Variants in FBLN1 observed in about 807,000 individuals in gnomAD.
FBLN1 encodes fibulin 1.
Under a neutral mutation model 89.7 loss-of-function variants are expected in FBLN1, and 34 were observed. The observed-to-expected ratio is 0.38, with a 90% confidence interval of 0.29 to 0.50. The LOEUF (loss-of-function observed/expected upper bound fraction) is 0.50. Ranked by LOEUF, FBLN1 falls within the 20% of genes least tolerant of loss-of-function variation. The pLI is 0.92. For synonymous variants in FBLN1, 393 were observed against 391.3 expected, an observed-to-expected ratio of 1.00 and a Z score of -0.05; for missense variants, 777 against 988.1, an observed-to-expected ratio of 0.79 and a Z score of 2.86.
Position 45,573,475 on chromosome 22 carries a change from A to T in FBLN1, c.1698-1036A>T, listed in dbSNP as rs181725140. Among the ~76,000 whole-genome samples the T allele has an allele frequency of 5.8e-3, 878 of 151,866 alleles. 12 individuals carry two copies. The highest frequency in any genetic ancestry group is 0.02 in the African/African-American group (819 of 41,406). On this transcript the variant is annotated intron_variant, in intron 14 of 16. Transcript: ENST00000327858. The stretch of plus-strand genomic sequence containing the variant: ...CGGATCACAAGGTCAGAAGTTCAAG[A>T]CCAGCCTGACCAACATGGTAAAACC...
At chr22:45,587,695 C>T (rs549872948) in intron 16 of FBLN1, among the ~76,000 whole-genome samples, 1 of 152,326 alleles carries the variant, frequency 6.6e-6, no homozygotes, top group South Asian at 2.1e-4. Context: ...TTCCTCTTCC[C>T]TCCGCTCTGC....
rs2088802944 is a variant in FBLN1 at position 45,557,427 on chromosome 22, G to A, written c.1697+6812G>A. Among the ~76,000 whole-genome samples the A allele has an allele frequency of 6.6e-6, 1 of 152,162 alleles. No individual in the cohort carries two copies. Among genetic ancestry groups the A allele is most frequent in the African/African-American group, 2.4e-5 (1 of 41,428 alleles). On this transcript the variant is annotated intron_variant, in intron 14 of 16. Transcript: ENST00000327858. The surrounding 1 kb of genome is among the most constrained non-coding windows in gnomAD (Gnocchi z 4.9). ...ACCCCGAGGCATGGTGCCACATCGA[G>A]GGCTCAGTGTTGGTCTCTGCTACTG...
rs2089129126 is a variant in FBLN1, at chr22:45,590,717, TCAGTGATGGTTTAA to T, written c.1973-9588_1973-9575del. ...CCTTTAGGAATAGAATCCATTGGCCTCAGTGATGGTTTAACCTGAGGGATGGGAGTAAGGGGCCT... is the reference window on the plus strand; with the variant it reads ...CCTTTAGGAATAGAATCCATTGGCCTCCTGAGGGATGGGAGTAAGGGGCCT... On this transcript the variant is annotated intron_variant, in intron 16 of 16. Coordinates refer to ENST00000327858, the MANE Select transcript of FBLN1 (RefSeq NM_006486.3). The surrounding 1 kb of genome is among the most constrained non-coding windows in gnomAD (Gnocchi z 4.1). 6.6e-6 allele frequency among the ~76,000 whole-genome samples: 1 copy of T among 152,018 alleles called. No homozygotes were observed. The highest frequency in any genetic ancestry group is 1.5e-5 in the Non-Finnish European group (1 of 67,998).
rs527926411 is a variant in FBLN1, at chr22:45,528,346, C to CT, written c.484+348dup. Among the ~76,000 whole-genome samples, 937 of 147,800 alleles carry CT rather than the reference C, an allele frequency of 6.3e-3. 9 individuals are homozygous for CT. The highest frequency in any genetic ancestry group is 0.021 in the African/African-American group (843 of 40,500). ...CATCAACAGACTTACATGTTAATCT[C>CT]TTTTTTTTTTTGAGACAGAATCTCT... is the stretch of plus-strand genomic sequence containing the variant. On this transcript the variant is annotated intron_variant, in intron 4 of 16. Transcript: ENST00000327858.
At chr22:45,522,313 T>C (rs2088262348) in intron 2 of FBLN1, among the ~76,000 whole-genome samples, 1 of 152,214 alleles carries the variant, frequency 6.6e-6, no homozygotes, top group Non-Finnish European at 1.5e-5. Flanking sequence ...AGTGGCTTTC[T>C]GTGAGGCTCA....
At position 45,533,775 on chromosome 22, in the gene FBLN1, A is replaced by G. The variant is rs146491057; in HGVS notation, c.661A>G (p.Ile221Val). 15 of 1,612,586 alleles carry G rather than the reference A, an allele frequency of 9.3e-6. No individual in the cohort carries two copies. The highest frequency in any genetic ancestry group is 3.3e-5 in the Admixed American group (2 of 60,008). Residue 221 changes from isoleucine (I) to valine (V), a missense_variant, in exon 7 of 17, where the codon ATC (isoleucine) becomes GTC (valine). Ile to Val is a conservative substitution (Grantham distance 29). Transcript: ENST00000327858. ...GVSCEDVNECITGSHSCRLGE... is the reference protein window; with the variant it reads ...GVSCEDVNECVTGSHSCRLGE... ...GTCTCTCCTAGATGTCAATGAATGCATCACGGGCAGCCACAGCTGCCGGCT... is the reference window on the plus strand; with the variant it reads ...GTCTCTCCTAGATGTCAATGAATGCGTCACGGGCAGCCACAGCTGCCGGCT...
chr22:45,513,727 C>T (rs1438787386), intron 1 of FBLN1, among the ~76,000 whole-genome samples: 1 of 152,172 alleles, frequency 6.6e-6, no homozygotes, highest in Non-Finnish European at 1.5e-5. Flanking sequence ...CTAGGGACCT[C>T]ATAGGTACTC....
chr22:45,556,459 T>C lies in FBLN1; in HGVS notation c.1697+5844T>C, dbSNP rs1291334681. Among the ~76,000 whole-genome samples the C allele has an allele frequency of 6.6e-6, 1 of 152,126 alleles. No individual in the cohort carries two copies. The highest frequency in any genetic ancestry group is 2.4e-5 in the African/African-American group (1 of 41,418). On this transcript the variant is annotated intron_variant, in intron 14 of 16. Transcript: ENST00000327858. This position sits in a 1 kb window ranked among gnomAD's most constrained non-coding sequence, Gnocchi z 4.6. ...CTTGGCAGATCTTGTTTTTTTTTTT[T>C]CCTGGTGGAGTGACCCAAACCTTCA...
intron 16 of FBLN1, among the ~76,000 whole-genome samples, chr22:45,593,880 C>G (rs2089160586): frequency 6.6e-6 from 1 of 152,196 alleles, no homozygotes; most frequent in Non-Finnish European, 1.5e-5. Context: ...ATGGGCCTGC[C>G]AGGGCCTGGG....
Position 45,600,411 on chromosome 22 carries a change from A to G in FBLN1, c.2077A>G (p.Asn693Asp). ...CGTGGTCTCCCACCGAAATGTTGTC[A>G]ACGTCCACATCTTCGTCTCTGAGTA... ...GGVVSHRNVV[N>D]VHIFVSEYWF Residue 693 changes from asparagine (N) to aspartate (D), a missense_variant, in exon 17 of 17, where the codon AAC becomes GAC. Transcript: ENST00000327858. 6.2e-7 allele frequency: 1 copy of G among 1,614,214 alleles called. No individual in the cohort carries two copies. The highest frequency in any genetic ancestry group is 1.3e-5 in the African/African-American group (1 of 75,056).
At position 45,531,075 on chromosome 22, in the gene FBLN1, A is replaced by G. The variant is rs2146966165; in HGVS notation, c.485-190A>G. 6.6e-6 allele frequency among the ~76,000 whole-genome samples: 1 copy of G among 152,294 alleles called. No individual in the cohort carries two copies. The highest frequency in any genetic ancestry group is 3.4e-3 in the Middle Eastern group (1 of 294). ...CACCACGCCTGGCCTATAATTGATC[A>G]GATATCAATTATACATTTTCAAGTG... On this transcript the variant is annotated intron_variant, in intron 4 of 16. Transcript: ENST00000327858. The surrounding 1 kb of genome is among the most constrained non-coding windows in gnomAD (Gnocchi z 4.9).
rs115513382 is a variant in FBLN1, at chr22:45,585,198, C to T, written c.1972+8090C>T. ...GCAAAATCTAGGCAGCACCATCCAC[C>T]GGTGAGTCTATTTGCAGTACACAAC... On this transcript the variant is annotated intron_variant, in intron 16 of 16. Transcript: ENST00000327858. Among the ~76,000 whole-genome samples, 286 of 152,268 alleles carry T rather than the reference C, an allele frequency of 1.9e-3. 1 individual carries two copies. Among genetic ancestry groups the T allele is most frequent in the African/African-American group, 6.4e-3 (267 of 41,540 alleles).
rs1291889633 is a variant in FBLN1, at chr22:45,530,532, G to C, written c.485-733G>C. Among the ~76,000 whole-genome samples, 1 of 152,102 alleles carries C rather than the reference G, an allele frequency of 6.6e-6. No individual in the cohort carries two copies. Among genetic ancestry groups the C allele is most frequent in the East Asian group, 1.9e-4 (1 of 5,176 alleles). Reference sequence around the variant, plus strand: ...ACCAGTGCTGGCCTGCGACAAATAAGTACAGAAATGGAGAATAACCCTTTT... The same window carrying C: ...ACCAGTGCTGGCCTGCGACAAATAACTACAGAAATGGAGAATAACCCTTTT... On this transcript the variant is annotated intron_variant, in intron 4 of 16. Coordinates refer to ENST00000327858, the MANE Select transcript of FBLN1 (RefSeq NM_006486.3). This position sits in a 1 kb window ranked among gnomAD's most constrained non-coding sequence, Gnocchi z 5.4.
At chr22:45,600,246 C>G in intron 16 of FBLN1, 61 bp from the exon 17 acceptor site, 3 of 1,608,666 alleles carry the variant, frequency 1.9e-6, no homozygotes, top group Non-Finnish European at 2.6e-6. Context: ...AACCATTTCC[C>G]AGATCTCTAC....
chr22:45,532,881 G>A lies in FBLN1; in HGVS notation c.545-182G>A. ...GACCTGAAGCAGCAGCCCCTGGGGG[G>A]TGTCCAGAGCCAGAGCCTGGGGGTC... On this transcript the variant is annotated intron_variant, in intron 5 of 16. Transcript: ENST00000327858. The surrounding 1 kb of genome is among the most constrained non-coding windows in gnomAD (Gnocchi z 4.2). The A allele has an allele frequency of 1.6e-6, 1 of 639,048 alleles. No individual in the cohort carries two copies. Among genetic ancestry groups the A allele is most frequent in the Non-Finnish European group, 2.8e-6 (1 of 354,574 alleles). The allele number at this position is 639,048 out of a possible 1,614,324, so 39.6% of individuals were successfully genotyped here.
intron 1 of FBLN1, among the ~76,000 whole-genome samples, chr22:45,513,278 C>T (rs2088125476): frequency 6.6e-6 from 1 of 150,528 alleles, no homozygotes; most frequent in Non-Finnish European, 1.5e-5. Flanking sequence ...AAATACGCAT[C>T]ACATGGGATT....
intron 4 of FBLN1, among the ~76,000 whole-genome samples, chr22:45,528,887 C>T (rs183109409): frequency 7.2e-5 from 11 of 152,202 alleles, no homozygotes; most frequent in African/African-American, 2.4e-4. Flanking sequence ...AGTCTGGGAT[C>T]GGACAAATCT....
At chr22:45,539,511 C>T (rs1480588901) in intron 8 of FBLN1, among the ~76,000 whole-genome samples, 2 of 152,064 alleles carry the variant, frequency 1.3e-5, no homozygotes, top group African/African-American at 4.8e-5. Context: ...TGCCTTTCTT[C>T]TTGAGTGGGG....
chr22:45,539,829 G>A (rs2088531713), intron 8 of FBLN1, among the ~76,000 whole-genome samples: 2 of 152,240 alleles, frequency 1.3e-5, no homozygotes, highest in South Asian at 4.1e-4. Context: ...GGACACTGTT[G>A]TTCTGTGGAA....
Sources: gnomAD v4.1 joint callset for allele counts (sites outside exome capture counted in the v4.1 genomes callset) on GRCh38, gnomAD v4.1.1 for gene constraint, Gnocchi (gnomAD v3.1) non-coding constraint, MANE v1.5 for transcripts, NCBI Gene and HGNC (gene_info 2026-07-23, HGNC 2026-07-21) for gene names.